Variants in GPR158 observed in about 807,000 individuals in gnomAD.
GPR158 encodes the protein metabotropic glycine receptor.
In GPR158, 30 loss-of-function variants were observed where a neutral mutation model predicts 78.2. That is an observed-to-expected ratio of 0.38 (90% CI 0.29 to 0.52). The LOEUF (loss-of-function observed/expected upper bound fraction) is 0.52, where lower values mean the gene tolerates loss of function less well. Among genes scored for constraint, GPR158 ranks in the 20% least tolerant of loss-of-function variants. The pLI is 0.83. For synonymous variants in GPR158, 581 were observed against 591.1 expected (o/e 0.98, Z 0.25); for missense variants, 1,463 against 1,523.5 (o/e 0.96, Z 0.66).
In GPR158 at chr10:25,395,752, T is replaced by C. The variant is rs376071915; in HGVS notation, c.1009-159T>C. Among the ~76,000 whole-genome samples the C allele has an allele frequency of 3.3e-5, 5 of 152,322 alleles. No homozygotes were observed. The South Asian group carries it at 1.0e-3, about 32-fold the overall frequency. ...CTTAATTTACTGCTTCTAAAAAAAA[T>C]TGTTGGCACAACAAAACTGAAAAGT... On this transcript the variant is annotated intron_variant, in intron 2 of 10. Coordinates refer to ENST00000376351, the MANE Select transcript of GPR158 (RefSeq NM_020752.3).
chr10:25,198,206 T>G (rs978858955), intron 1 of GPR158, among the ~76,000 whole-genome samples: 1 of 152,204 alleles, frequency 6.6e-6, no homozygotes, highest in African/African-American at 2.4e-5. Context: ...CATTATATAT[T>G]TATTGACTTT....
At chr10:25,331,194 C>T (rs1471597086) in intron 2 of GPR158, among the ~76,000 whole-genome samples, 6 of 152,140 alleles carry the variant, frequency 3.9e-5, no homozygotes, top group Non-Finnish European at 8.8e-5. Context: ...CCAGCCTCAG[C>T]CTCCCAAAGT....
chr10:25,261,396 T>G (rs1226510105), intron 2 of GPR158, among the ~76,000 whole-genome samples: 1 of 152,174 alleles, frequency 6.6e-6, no homozygotes, highest in East Asian at 1.9e-4. Flanking sequence ...AAACTAGGTC[T>G]ACTATACCTA....
intron 7 of GPR158, among the ~76,000 whole-genome samples, chr10:25,574,108 A>G (rs961582208): frequency 7.2e-6 from 1 of 138,926 alleles, no homozygotes; most frequent in African/African-American, 2.7e-5. Flanking sequence ...TTGTATTCTT[A>G]TGAAGCAAAG....
chr10:25,263,457 TC>T (rs1195415583), intron 2 of GPR158, among the ~76,000 whole-genome samples: 1 of 152,230 alleles, frequency 6.6e-6, no homozygotes, highest in Non-Finnish European at 1.5e-5. Context: ...ATATCAGTCC[TC>T]CAACTTTGTT....
chr10:25,463,519 AG>A (rs1256593502), intron 4 of GPR158, among the ~76,000 whole-genome samples: 1 of 152,180 alleles, frequency 6.6e-6, no homozygotes, highest in African/African-American at 2.4e-5. Flanking sequence ...TTGTATAAAT[AG>A]TGTCATACTG....
chr10:25,348,436 CGGAA>C (rs1564428895), intron 2 of GPR158, among the ~76,000 whole-genome samples: 1 of 144,378 alleles, frequency 6.9e-6, no homozygotes, highest in Non-Finnish European at 1.5e-5. Flanking sequence ...CACACACACA[CGGAA>C]AAACCCACAA....
chr10:25,462,345 G>A (rs1037680775), intron 4 of GPR158, among the ~76,000 whole-genome samples: 1 of 152,138 alleles, frequency 6.6e-6, no homozygotes, highest in African/African-American at 2.4e-5. Context: ...ACTGCTCATT[G>A]ACAATGCACA....
chr10:25,193,835 C>A (rs1418429455), intron 1 of GPR158, among the ~76,000 whole-genome samples: 4 of 151,306 alleles, frequency 2.6e-5, no homozygotes, highest in African/African-American at 7.3e-5. Context: ...CCTAATTGCT[C>A]CATTCTCAAG....
At chr10:25,459,092 C>G (rs537611401) in intron 4 of GPR158, among the ~76,000 whole-genome samples, 4 of 151,962 alleles carry the variant, frequency 2.6e-5, no homozygotes, top group Non-Finnish European at 5.9e-5. Flanking sequence ...AGATAGTGTC[C>G]TCATACCTCT....
intron 2 of GPR158, among the ~76,000 whole-genome samples, chr10:25,281,887 A>T (rs573445562): frequency 6.6e-6 from 1 of 152,248 alleles, no homozygotes; most frequent in African/African-American, 2.4e-5. Context: ...GTGAAGATCC[A>T]TTACAAGGAT....
chr10:25,470,745 C>T (rs1392906209), intron 5 of GPR158, among the ~76,000 whole-genome samples: 1 of 152,066 alleles, frequency 6.6e-6, no homozygotes, highest in Non-Finnish European at 1.5e-5. Context: ...AACCCTAGGG[C>T]AGATATTTAA....
At chr10:25,531,441 C>G (rs1418164852) in intron 5 of GPR158, among the ~76,000 whole-genome samples, 1 of 152,166 alleles carries the variant, frequency 6.6e-6, no homozygotes, top group Non-Finnish European at 1.5e-5. Flanking sequence ...TGGAGAACAT[C>G]CATTTGTTAC....
At chr10:25,476,569 G>A (rs1021012743) in intron 5 of GPR158, among the ~76,000 whole-genome samples, 1 of 152,096 alleles carries the variant, frequency 6.6e-6, no homozygotes. Context: ...ATACAACTCA[G>A]TCTTTCTCCA....
intron 2 of GPR158, among the ~76,000 whole-genome samples, chr10:25,296,416 G>C (rs577210364): frequency 6.6e-6 from 1 of 152,016 alleles, no homozygotes; most frequent in East Asian, 1.9e-4. Flanking sequence ...ATTAGATACC[G>C]TTTCACTTTT....
rs1834175961 is a variant in GPR158, at chr10:25,382,970, G to A, written c.1009-12941G>A. 5.3e-5 allele frequency among the ~76,000 whole-genome samples: 8 copies of A among 152,024 alleles called. No individual in the cohort carries two copies. The South Asian group carries it at 1.7e-3, about 32-fold the overall frequency. ...CCTGCCTCAGCCCCCTGAGTAGCTG[G>A]GATTACAGGTGCCTGCCACCACACC... On this transcript the variant is annotated intron_variant, in intron 2 of 10. Coordinates refer to ENST00000376351, the MANE Select transcript of GPR158 (RefSeq NM_020752.3).
intron 2 of GPR158, among the ~76,000 whole-genome samples, chr10:25,257,928 C>T (rs1487330751): frequency 6.6e-6 from 1 of 152,186 alleles, no homozygotes; most frequent in Admixed American, 6.5e-5. Flanking sequence ...CATTCTTGCT[C>T]ATCCTTCCTT....
intron 3 of GPR158, among the ~76,000 whole-genome samples, 183 bp downstream of exon 3, chr10:25,396,196 A>T (rs549935603): frequency 1.8e-4 from 28 of 152,184 alleles, no homozygotes; most frequent in Non-Finnish European, 3.5e-4. Context: ...AACCACTAAA[A>T]TATACCTAAA....
intron 5 of GPR158, among the ~76,000 whole-genome samples, chr10:25,543,961 A>G (rs1189249289): frequency 6.6e-6 from 1 of 152,168 alleles, no homozygotes; most frequent in East Asian, 1.9e-4. Context: ...TGTGGGAGAA[A>G]CAAACCTCTA....
Sources: gnomAD v4.1 joint callset for allele counts (sites outside exome capture counted in the v4.1 genomes callset) on GRCh38, gnomAD v4.1.1 for gene constraint, MANE v1.5 for transcripts, NCBI Gene and HGNC (gene_info 2026-07-23, HGNC 2026-07-21) for gene names.